The following ARHGEF11 variants were observed in gnomAD, a reference collection of about 807,000 sequenced individuals.
ARHGEF11 encodes Rho guanine nucleotide exchange factor 11, also known as Rho guanine exchange factor (GEF) 11.
In ARHGEF11, 55 loss-of-function variants were observed where a neutral mutation model predicts 193.7. That is an observed-to-expected ratio of 0.28 (90% CI 0.23 to 0.36). The LOEUF is 0.36. Among genes scored for constraint, ARHGEF11 ranks in the 10% least tolerant of loss-of-function variants. The probability of loss-of-function intolerance (pLI) is 1.00; values close to 1 mark genes in which losing one functional copy is unlikely to be tolerated. For missense variants in ARHGEF11, 1,723 were observed against 2,005.6 expected (o/e 0.86, Z 2.69); for synonymous variants, 693 against 768.0 (o/e 0.90, Z 1.62).
chr1:156,962,199 T>C (rs907156120), intron 13 of ARHGEF11, among the ~76,000 whole-genome samples: 1 of 152,184 alleles, frequency 6.6e-6, no homozygotes, highest in Non-Finnish European at 1.5e-5. Flanking sequence ...GTGCCCTGTC[T>C]TTATTCAGGA....
At chr1:156,997,322 G>GA (rs1197997229) in intron 1 of ARHGEF11, among the ~76,000 whole-genome samples, 1 of 152,166 alleles carries the variant, frequency 6.6e-6, no homozygotes, top group Non-Finnish European at 1.5e-5. Context: ...ATGATGGAGG[G>GA]AAAAAGACAG....
rs540432364 is a variant in ARHGEF11, at chr1:156,954,373, G to A, written c.1798+519C>T. The stretch of plus-strand genomic sequence containing the variant: ...CCAGCCTGGGCCACAGAGTGAAACT[G>A]TGTCTCCAAAAAAAAAAAAAAAAAA... On this transcript the variant is annotated intron_variant, in intron 21 of 40. Transcript: ENST00000368194. 3.7e-3 allele frequency among the ~76,000 whole-genome samples: 354 copies of A among 95,474 alleles called. 2 individuals carry two copies. Among genetic ancestry groups the A allele is most frequent in the Non-Finnish European group, 4.6e-3 (234 of 51,302 alleles). 62.6% of individuals were successfully genotyped at this position (95,474 alleles called of 152,430 possible).
intron 32 of ARHGEF11, among the ~76,000 whole-genome samples, 170 bp from the exon 33 acceptor site, chr1:156,942,950 A>G (rs1448281037): frequency 1.3e-5 from 2 of 152,162 alleles, no homozygotes; most frequent in Admixed American, 6.5e-5. Flanking sequence ...CACTTACATA[A>G]GGGACAGAGG....
At chr1:157,038,900 T>G (rs1265781577) in intron 1 of ARHGEF11, among the ~76,000 whole-genome samples, 2 of 152,092 alleles carry the variant, frequency 1.3e-5, no homozygotes, top group Non-Finnish European at 2.9e-5. Context: ...ATGCCTGTAA[T>G]GCCAGCTACT....
chr1:156,963,842 G>A, intron 11 of ARHGEF11: 2 of 1,181,156 alleles, frequency 1.7e-6, no homozygotes. Flanking sequence ...ATATGAAGAT[G>A]GGAAGTAGGA....
rs753401313 is a variant in ARHGEF11 at position 156,937,349 on chromosome 1, G to C, written c.4340C>G (p.Pro1447Arg). 12 of 1,613,088 alleles carry C rather than the reference G, an allele frequency of 7.4e-6. No individual in the cohort carries two copies. In the East Asian group the frequency reaches 2.7e-4, roughly 36 times the overall value. ...TGGAGGAGAGCGGCTGGGGCGTCTT[G>C]GATCATCGTTGCCTCCCTGCAGCTG... Reference protein sequence around the residue: ...QPQLQGGNDDPRRPSRSPPSL... With the variant: ...QPQLQGGNDDRRRPSRSPPSL... The change falls in exon 39 of 41, where the codon CCA (proline) becomes CGA (arginine). Residue 1447 changes from proline to arginine, a missense_variant. Physicochemically the swap from Pro to Arg is moderately radical, Grantham distance 103. Coordinates refer to ENST00000368194, the MANE Select transcript of ARHGEF11 (RefSeq NM_198236.3).
intron 29 of ARHGEF11, chr1:156,945,449 C>CA (rs1459556745): frequency 9.7e-6 from 5 of 518,016 alleles, no homozygotes; most frequent in Non-Finnish European, 1.7e-5. Flanking sequence ...GCCTCTACTA[C>CA]AACCAGCTCT....
intron 1 of ARHGEF11, among the ~76,000 whole-genome samples, chr1:157,027,765 C>T (rs1245499495): frequency 6.6e-6 from 1 of 152,186 alleles, no homozygotes; most frequent in Non-Finnish European, 1.5e-5. Flanking sequence ...TTTGTGACTG[C>T]CTCAACTAAC....
intron 26 of ARHGEF11, 91 bp from the exon 27 acceptor site, chr1:156,947,106 G>A: frequency 2.6e-6 from 4 of 1,537,408 alleles, no homozygotes; most frequent in South Asian, 1.1e-5. Context: ...TCTGACAGCA[G>A]TGCCATGGGA....
At chr1:156,940,068 A>C in intron 36 of ARHGEF11, 139 bp downstream of exon 36, 7 of 1,407,550 alleles carry the variant, frequency 5.0e-6, no homozygotes, top group Non-Finnish European at 6.7e-6. Flanking sequence ...GTGGGGAATG[A>C]CATCTGTCTC....
chr1:157,000,545 A>G lies in ARHGEF11; in HGVS notation c.33-14372T>C, dbSNP rs73012619. Among the ~76,000 whole-genome samples the G allele has an allele frequency of 7.1e-3, 1,086 of 152,332 alleles. 3 individuals are homozygous for G. Among genetic ancestry groups the G allele is most frequent in the African/African-American group, 0.019 (792 of 41,578 alleles). ...TTTTTAAAAGTGTGTCATTTGGCCC[A>G]GAAGATTCACCTTTCTAATTTACTT... On this transcript the variant is annotated intron_variant, in intron 1 of 40. Transcript: ENST00000368194.
At position 156,980,456 on chromosome 1, in the gene ARHGEF11, T is replaced by C; in HGVS notation, c.254A>G (p.Glu85Gly). The change falls in exon 4 of 41, where the codon GAG (glutamate) becomes GGG (glycine). Residue 85 changes from glutamate to glycine, a missense_variant. Transcript: ENST00000368194. Reference sequence around the variant, plus strand: ...ACTCACTTTGATGATCCGGTCGCCCTCTTTCACACCGGCCTTCATGGCTGC... The same window carrying C: ...ACTCACTTTGATGATCCGGTCGCCCCCTTTCACACCGGCCTTCATGGCTGC... ...GGAAMKAGVKEGDRIIKVNGT... is the reference protein window; with the variant it reads ...GGAAMKAGVKGGDRIIKVNGT... 1 of 1,604,190 alleles carries C rather than the reference T, an allele frequency of 6.2e-7. No individual in the cohort carries two copies. Among genetic ancestry groups the C allele is most frequent in the Non-Finnish European group, 8.5e-7 (1 of 1,174,976 alleles).
intron 2 of ARHGEF11, 79 bp from the exon 3 acceptor site, chr1:156,984,516 GC>G: frequency 1.0e-6 from 1 of 959,178 alleles, no homozygotes; most frequent in Non-Finnish European, 1.6e-6. Flanking sequence ...ACCCAGGGAA[GC>G]CCCAGTGCCT....
intron 28 of ARHGEF11, among the ~76,000 whole-genome samples, chr1:156,946,442 C>T (rs1328634067): frequency 1.3e-5 from 2 of 152,226 alleles, no homozygotes; most frequent in African/African-American, 2.4e-5. Flanking sequence ...CACACAGGTG[C>T]TGGTGGGTGA....
At chr1:156,967,866 G>T in intron 11 of ARHGEF11, 121 bp downstream of exon 11, 1 of 1,364,902 alleles carries the variant, frequency 7.3e-7, no homozygotes. Context: ...CTGTCTCAAA[G>T]TTTGGGTTGC....
intron 7 of ARHGEF11, 114 bp downstream of exon 7, chr1:156,976,869 T>C (rs1294003620): frequency 1.7e-5 from 16 of 962,658 alleles, no homozygotes; most frequent in Non-Finnish European, 2.6e-5. Flanking sequence ...TTTTTTGAGG[T>C]TTTACTGTGA....
Position 156,963,311 on chromosome 1 carries a change from G to A in ARHGEF11, c.1039-7C>T. 1 of 1,612,818 alleles carries A rather than the reference G, an allele frequency of 6.2e-7. No individual in the cohort carries two copies. The highest frequency in any genetic ancestry group is 8.5e-7 in the Non-Finnish European group (1 of 1,179,018). ...CCTGGAATATGATGTCGCTCTGGAA[G>A]GCAGAAGGATGAGCATGGTGGGAAG... is the stretch of plus-strand genomic sequence containing the variant. On this transcript the variant is annotated splice_region_variant and splice_polypyrimidine_tract_variant and intron_variant, in intron 12 of 40. Transcript: ENST00000368194.
At chr1:156,996,879 T>TTTTTTA (rs1666594221) in intron 1 of ARHGEF11, among the ~76,000 whole-genome samples, 4 of 137,138 alleles carry the variant, frequency 2.9e-5, no homozygotes, top group African/African-American at 1.1e-4. Flanking sequence ...TTTTTTTTTT[T>TTTTTTA]GAGACAAAGT....
Position 156,938,399 on chromosome 1 carries a change from C to T in ARHGEF11, c.4192+19G>A, listed in dbSNP as rs1191801067. 5 of 1,609,940 alleles carry T rather than the reference C, an allele frequency of 3.1e-6. No homozygotes were observed. Among genetic ancestry groups the T allele is most frequent in the Non-Finnish European group, 4.2e-6 (5 of 1,177,086 alleles). On this transcript the variant is annotated intron_variant, in intron 38 of 40. Coordinates refer to ENST00000368194, the MANE Select transcript of ARHGEF11 (RefSeq NM_198236.3). ...CTCCAGTCTTGGCCTGTCTTTAGCT[C>T]CAAGGAGAAAGTTATTACCCGTAGC...
Sources: allele counts gnomAD v4.1 joint callset (sites outside exome capture counted in the v4.1 genomes callset), GRCh38; gene constraint gnomAD v4.1.1; transcripts MANE v1.5; gene names NCBI Gene and HGNC (gene_info 2026-07-23, HGNC 2026-07-21).